The following EML6 variants were observed in gnomAD, a reference collection of about 807,000 sequenced individuals.
EML6 encodes the protein echinoderm microtubule-associated protein-like 6.
Under a neutral mutation model 240.1 loss-of-function variants are expected in EML6, and 154 were observed. The observed-to-expected ratio is 0.64, with a 90% CI of 0.56 to 0.73. The LOEUF is 0.73. EML6 is among the 30% of genes least tolerant of loss of function. The pLI is 0.00. For missense variants in EML6, 2,964 were observed against 2,474.6 expected (o/e 1.20, Z -4.20); for synonymous variants, 1,148 against 899.0 (o/e 1.28, Z -4.95).
Position 54,971,984 on chromosome 2 carries a change from AAACATTTT to A in EML6, c.*1891_*1898del, listed in dbSNP as rs1677050683. 6.6e-6 allele frequency: 1 copy of A among 152,244 alleles called. No homozygotes were observed. Among genetic ancestry groups the A allele is most frequent in the Admixed American group, 6.5e-5 (1 of 15,276 alleles). The allele number at this position is 152,244 out of a possible 1,614,324, so 9.4% of individuals were successfully genotyped here. On this transcript the variant is annotated 3_prime_UTR_variant, in exon 42 of 42. Transcript: ENST00000356458. ...TTTCAAAGTATAAAACACATCACTT[AAACATTTT>A]ATGTGTCAAATAAAATTTGATTATG... is the stretch of plus-strand genomic sequence containing the variant.
chr2:54,937,619 C>T (rs1428728668), intron 28 of EML6, among the ~76,000 whole-genome samples: 2 of 147,774 alleles, frequency 1.4e-5, no homozygotes. Flanking sequence ...AATTATATTG[C>T]CTTAGCTCCA....
chr2:54,955,163 A>G (rs1197973326), intron 32 of EML6, among the ~76,000 whole-genome samples: 4 of 152,254 alleles, frequency 2.6e-5, no homozygotes, highest in African/African-American at 9.6e-5. Context: ...CTGGTTCACC[A>G]GTATATCTCA....
intron 2 of EML6, among the ~76,000 whole-genome samples, chr2:54,796,508 T>C (rs1313240670): frequency 1.3e-5 from 2 of 152,130 alleles, no homozygotes; most frequent in African/African-American, 4.8e-5. Context: ...TTTTTCTTTT[T>C]TTTTGTAAAT....
At chr2:54,773,167 C>T (rs1411460146) in intron 2 of EML6, among the ~76,000 whole-genome samples, 2 of 152,202 alleles carry the variant, frequency 1.3e-5, no homozygotes, top group Non-Finnish European at 2.9e-5. Context: ...CTGTGGCTCT[C>T]CCCTAAGGTA....
chr2:54,965,803 T>C (rs1256467853), intron 38 of EML6, among the ~76,000 whole-genome samples: 2 of 152,238 alleles, frequency 1.3e-5, no homozygotes, highest in African/African-American at 4.8e-5. Flanking sequence ...CAGAATCTTG[T>C]AGCCTCCAGC....
At chr2:54,950,530 T>C in intron 29 of EML6, 120 bp from the exon 30 acceptor site, 2 of 1,095,338 alleles carry the variant, frequency 1.8e-6, no homozygotes, top group East Asian at 2.7e-5. Flanking sequence ...TGAGTGTGTG[T>C]TGGCGTCACC....
At chr2:54,894,830 T>C (rs1334443905) in intron 19 of EML6, 85 bp from the exon 20 acceptor site, 1 of 807,696 alleles carries the variant, frequency 1.2e-6, no homozygotes, top group Non-Finnish European at 2.0e-6. Context: ...CAAAGCTTCC[T>C]TACCTGCGGG....
chr2:54,853,943 C>G, intron 11 of EML6, 88 bp downstream of exon 11: 1 of 698,420 alleles, frequency 1.4e-6, no homozygotes, highest in Non-Finnish European at 2.3e-6. Flanking sequence ...GCTGTCTATT[C>G]CAATGCACTG....
At chr2:54,835,425 G>C (rs371385878) in intron 7 of EML6, among the ~76,000 whole-genome samples, 2 of 152,164 alleles carry the variant, frequency 1.3e-5, no homozygotes, top group East Asian at 1.9e-4. Context: ...CAAGTGATGA[G>C]GATGCAGAAG....
intron 2 of EML6, among the ~76,000 whole-genome samples, chr2:54,760,221 A>G (rs541986133): frequency 5.5e-5 from 8 of 146,546 alleles, no homozygotes; most frequent in Non-Finnish European, 1.5e-5. Context: ...TTTTTTTTTA[A>G]TTTTAGAACA....
At chr2:54,924,713 T>C (rs7591666) in intron 26 of EML6, among the ~76,000 whole-genome samples, 152,241 of 152,278 alleles carry the variant, frequency 1, 76,102 homozygotes, top group Middle Eastern at 1. Context: ...AGGTGCCTGC[T>C]GCCATACCTG....
Position 54,952,658 on chromosome 2 carries a change from C to T in EML6, c.4278C>T (p.Pro1426=). 1.3e-6 allele frequency: 2 copies of T among 1,551,386 alleles called. No individual in the cohort carries two copies. The highest frequency in any genetic ancestry group is 1.2e-5 in the South Asian group (1 of 84,034). Residue 1426 remains proline, a synonymous_variant, in exon 31 of 42, where the codon CCC becomes CCT. Coordinates refer to ENST00000356458, the MANE Select transcript of EML6 (RefSeq NM_001039753.4). ...TCTGTCTCACAGTGAACCAGCACCC[C>T]AAGTACAGAAACGTGGTGGCCACCA... ...DILCLTVNQH[P]KYRNVVATSQ...
chr2:54,918,767 A>G (rs1674066759), intron 26 of EML6, among the ~76,000 whole-genome samples: 1 of 152,206 alleles, frequency 6.6e-6, no homozygotes. Flanking sequence ...ATTCTTGGCA[A>G]ATGTCTTGCC....
intron 28 of EML6, among the ~76,000 whole-genome samples, chr2:54,941,362 G>T (rs1272388857): frequency 6.6e-6 from 1 of 152,082 alleles, no homozygotes. Flanking sequence ...GGAATTTCAA[G>T]CTCGCCTGAG....
chr2:54,870,336 G>T, intron 15 of EML6, among the ~76,000 whole-genome samples: 1 of 149,956 alleles, frequency 6.7e-6, no homozygotes, highest in East Asian at 1.9e-4. Context: ...TTTTTTAAAA[G>T]GGTTGCAGTC....
In EML6 at chr2:54,961,184, G is replaced by GTTGTTTTTTTTGTTTTGTTTTTTTT; in HGVS notation, c.4968+852_4968+853insGTTTTTTTTGTTTTGTTTTTTTTTT. Among the ~76,000 whole-genome samples the GTTGTTTTTTTTGTTTTGTTTTTTTT allele has an allele frequency of 7.2e-5, 4 of 55,424 alleles. 1 individual carries two copies. The highest frequency in any genetic ancestry group is 1.3e-4 in the Non-Finnish European group (4 of 31,670). 36.4% of individuals were successfully genotyped at this position (55,424 alleles called of 152,430 possible). ...GGAGCCTGGAAGTTATCAGGAAGTA[G>GTTGTTTTTTTTGTTTTGTTTTTTTT]TTTTTTTTTTTTTTTTTTTGAGACG... On this transcript the variant is annotated intron_variant, in intron 35 of 41. Transcript: ENST00000356458.
chr2:54,834,353 A>T lies in EML6; in HGVS notation c.847+4876A>T, dbSNP rs144541027. On this transcript the variant is annotated intron_variant, in intron 7 of 41. Transcript: ENST00000356458. Reference sequence around the variant, plus strand: ...AGCTTGAGTAACTTATAGTGGTGGCAAGAAAAGCCAAAATTCTTAAAGTCC... The same window carrying T: ...AGCTTGAGTAACTTATAGTGGTGGCTAGAAAAGCCAAAATTCTTAAAGTCC... Among the ~76,000 whole-genome samples, 480 of 152,326 alleles carry T rather than the reference A, an allele frequency of 3.2e-3. 4 individuals carry two copies. Among genetic ancestry groups the T allele is most frequent in the African/African-American group, 0.011 (462 of 41,578 alleles).
intron 22 of EML6, 68 bp from the exon 23 acceptor site, chr2:54,902,976 T>C: frequency 7.0e-7 from 1 of 1,419,232 alleles, no homozygotes; most frequent in Non-Finnish European, 9.6e-7. Flanking sequence ...GATTTCTTCA[T>C]CTTTTCATGT....
intron 2 of EML6, among the ~76,000 whole-genome samples, chr2:54,810,357 G>A (rs372769813): frequency 6.6e-6 from 1 of 152,170 alleles, no homozygotes; most frequent in African/African-American, 2.4e-5. Flanking sequence ...AGTAACTAAG[G>A]CTCGTAAGTT....
Sources: allele counts gnomAD v4.1 joint callset (sites outside exome capture counted in the v4.1 genomes callset), GRCh38; gene constraint gnomAD v4.1.1; transcripts MANE v1.5; gene names NCBI Gene and HGNC (gene_info 2026-07-23, HGNC 2026-07-21).